The following C21orf58 variants were observed in gnomAD, a reference collection of about 807,000 sequenced individuals.
C21orf58 encodes chromosome 21 open reading frame 58.
Under a neutral mutation model 35.8 loss-of-function variants are expected in C21orf58, and 34 were observed. The observed-to-expected ratio is 0.95, with a 90% CI of 0.72 to 1.26. The LOEUF (loss-of-function observed/expected upper bound fraction) is 1.26. Among genes scored for constraint, C21orf58 ranks in the 50% most tolerant of loss-of-function variants. C21orf58 has a pLI of 0.00. For missense variants in C21orf58, 440 were observed against 414.3 expected (o/e 1.06, Z -0.54); for synonymous variants, 191 against 175.8 (o/e 1.09, Z -0.68).
Position 46,314,731 on chromosome 21 carries a change from C to T in C21orf58, c.594G>A (p.Arg198=). The T allele has an allele frequency of 2.0e-6, 3 of 1,479,304 alleles. No individual in the cohort carries two copies. The South Asian group carries it at 4.1e-5, about 20-fold the overall frequency. The allele number at this position is 1,479,304 out of a possible 1,614,324, so 91.6% of individuals were successfully genotyped here. A position where few individuals can be genotyped will look rare whatever the true frequency, so the allele number is the denominator to read the frequency against. Residue 198 remains arginine (R), a synonymous_variant, in exon 5 of 8, where the codon AGG becomes AGA. Transcript: ENST00000291691. ...GCCCTCTTACCGTAGGCAGGATGAT[C>T]CTTGGCGGGTCTGGGGCCAGCGGGG... ...SPSPLAPDPP[R]IILPTVPQPP...
Position 46,323,739 on chromosome 21 carries a change from C to T in C21orf58, c.-1001G>A. The T allele has an allele frequency of 4.6e-6, 1 of 217,970 alleles. No individual in the cohort carries two copies. The highest frequency in any genetic ancestry group is 5.5e-5 in the South Asian group (1 of 18,074). The allele number at this position is 217,970 out of a possible 1,614,324, so 13.5% of individuals were successfully genotyped here. A position where few individuals can be genotyped will look rare whatever the true frequency, so the allele number is the denominator to read the frequency against. ...CGACTAATGCCTGAGCGGGAGAAAA[C>T]GGCCTGGCCCTGTCCGGGTGGTTGC... On this transcript the variant is annotated 5_prime_UTR_variant, in exon 1 of 8. Coordinates refer to ENST00000291691, the MANE Select transcript of C21orf58 (RefSeq NM_058180.5).
At chr21:46,305,382 C>T (rs1166467525) in intron 6 of C21orf58, among the ~76,000 whole-genome samples, 3 of 141,406 alleles carry the variant, frequency 2.1e-5, no homozygotes, top group East Asian at 2.0e-4. Flanking sequence ...CAAGCTGGGA[C>T]GCCTTGGTGT....
At chr21:46,305,655 C>A (rs932264764) in intron 6 of C21orf58, among the ~76,000 whole-genome samples, 1 of 152,056 alleles carries the variant, frequency 6.6e-6, no homozygotes, top group African/African-American at 2.4e-5. Flanking sequence ...AAAAAAGAAT[C>A]TTGGCCGGGC....
At position 46,301,982 on chromosome 21, in the gene C21orf58, G is replaced by A. The variant is rs1417709158; in HGVS notation, c.*17C>T. ...GGGGGTGGAGGGTGCCCCGGCCAGG[G>A]TCTCTGTGACTCACACTCAGGGTGG... On this transcript the variant is annotated 3_prime_UTR_variant, in exon 8 of 8. Coordinates refer to ENST00000291691, the MANE Select transcript of C21orf58 (RefSeq NM_058180.5). 3 of 1,510,066 alleles carry A rather than the reference G, an allele frequency of 2.0e-6. No individual in the cohort carries two copies. The highest frequency in any genetic ancestry group is 2.5e-5 in the South Asian group (2 of 80,402). The allele number at this position is 1,510,066 out of a possible 1,614,324, so 93.5% of individuals were successfully genotyped here.
intron 6 of C21orf58, among the ~76,000 whole-genome samples, chr21:46,306,978 C>G (rs960457279): frequency 1.3e-5 from 2 of 152,066 alleles, no homozygotes; most frequent in Non-Finnish European, 1.5e-5. Flanking sequence ...TCACTGCAGC[C>G]TCCGCCTCCC....
rs1052464393 is a variant in C21orf58, at chr21:46,323,729, C to T, written c.-991G>A. 4 of 213,978 alleles carry T rather than the reference C, an allele frequency of 1.9e-5. No individual in the cohort carries two copies. Among genetic ancestry groups the T allele is most frequent in the Non-Finnish European group, 3.8e-5 (4 of 104,788 alleles). 13.3% of individuals were successfully genotyped at this position (213,978 alleles called of 1,614,324 possible). A position where few individuals can be genotyped will look rare whatever the true frequency, so the allele number is the denominator to read the frequency against. On this transcript the variant is annotated 5_prime_UTR_variant, in exon 1 of 8. Transcript: ENST00000291691. The stretch of plus-strand genomic sequence containing the variant: ...CCACAGCCAACGACTAATGCCTGAG[C>T]GGGAGAAAACGGCCTGGCCCTGTCC...
intron 5 of C21orf58, among the ~76,000 whole-genome samples, chr21:46,312,404 C>T (rs191890346): frequency 6.6e-6 from 1 of 152,224 alleles, no homozygotes; most frequent in Non-Finnish European, 1.5e-5. Context: ...CTGCAACCTC[C>T]GCCTCCCAGG....
Position 46,301,981 on chromosome 21 carries a change from G to A in C21orf58, c.*18C>T. ...TGGGGGTGGAGGGTGCCCCGGCCAG[G>A]GTCTCTGTGACTCACACTCAGGGTG... On this transcript the variant is annotated 3_prime_UTR_variant, in exon 8 of 8. Transcript: ENST00000291691. 1.3e-6 allele frequency: 2 copies of A among 1,508,056 alleles called. No individual in the cohort carries two copies. The highest frequency in any genetic ancestry group is 1.8e-6 in the Non-Finnish European group (2 of 1,128,744). 93.4% of individuals were successfully genotyped at this position (1,508,056 alleles called of 1,614,324 possible).
intron 1 of C21orf58, chr21:46,320,840 T>C (rs1005526991): frequency 6.6e-6 from 1 of 152,194 alleles, no homozygotes; most frequent in Non-Finnish European, 1.5e-5. Flanking sequence ...TGATGTGGAA[T>C]GTTTATAACA....
In C21orf58 at chr21:46,310,584, G is replaced by A. The variant is rs190359263; in HGVS notation, c.721+872C>T. Among the ~76,000 whole-genome samples the A allele has an allele frequency of 3.2e-3, 481 of 151,872 alleles. 3 individuals carry two copies. Among genetic ancestry groups the A allele is most frequent in the African/African-American group, 0.011 (452 of 41,414 alleles). On this transcript the variant is annotated intron_variant, in intron 6 of 7. Transcript: ENST00000291691. ...AGCACTTTGAGAGGCTGAGGTGGGC[G>A]GATCACCTGAGGTTGGGAGTTCAAG...
At chr21:46,315,431 A>T in intron 4 of C21orf58, 43 bp downstream of exon 4, 1 of 1,220,376 alleles carries the variant, frequency 8.2e-7, no homozygotes, top group East Asian at 2.3e-5. Context: ...TATCTCTGCT[A>T]CAGTGAGCTC....
chr21:46,322,636 C>T lies in C21orf58; in HGVS notation c.100+3G>A. On this transcript the variant is annotated splice_donor_region_variant and intron_variant, in intron 1 of 7. Coordinates refer to ENST00000291691, the MANE Select transcript of C21orf58 (RefSeq NM_058180.5). ...CCAGGAGACCGCTGGACACCCCGCT[C>T]ACCACACAGAAGACTGTGGCCTGAG... 3 of 1,537,146 alleles carry T rather than the reference C, an allele frequency of 2.0e-6. No homozygotes were observed. The highest frequency in any genetic ancestry group is 2.6e-6 in the Non-Finnish European group (3 of 1,139,526).
Position 46,311,288 on chromosome 21 carries a change from T to C in C21orf58, c.721+168A>G, listed in dbSNP as rs181331862. ...TAGTTATCTTTCTTATACCTCTTGT[T>C]TCCTTCCCTGTGAGATATCATTTAT... On this transcript the variant is annotated intron_variant, in intron 6 of 7. Transcript: ENST00000291691. Among the ~76,000 whole-genome samples the C allele has an allele frequency of 7.9e-5, 12 of 152,346 alleles. No individual in the cohort carries two copies. The East Asian group carries it at 1.7e-3, about 22-fold the overall frequency.
rs1379606197 is a variant in C21orf58 at position 46,311,613 on chromosome 21, A to G, written c.610-46T>C. 2.5e-6 allele frequency: 3 copies of G among 1,211,058 alleles called. No individual in the cohort carries two copies. The Admixed American group carries it at 6.1e-5, about 24-fold the overall frequency. The allele number at this position is 1,211,058 out of a possible 1,614,324, so 75.0% of individuals were successfully genotyped here. A position where few individuals can be genotyped will look rare whatever the true frequency, so the allele number is the denominator to read the frequency against. ...AGCTATCTGCATATGTCCTTGAAGA[A>G]AGTGTCTCCAGTATCTACCACCCAT... On this transcript the variant is annotated intron_variant, in intron 5 of 7. Transcript: ENST00000291691.
At chr21:46,311,375 G>A (rs2082676376) in intron 6 of C21orf58, 81 bp downstream of exon 6, 2 of 726,582 alleles carry the variant, frequency 2.8e-6, no homozygotes, top group Non-Finnish European at 4.3e-6. Flanking sequence ...GGCCCTAAGT[G>A]ACTGTCCTGC....
At chr21:46,308,504 C>G (rs2145982028) in intron 6 of C21orf58, among the ~76,000 whole-genome samples, 1 of 152,238 alleles carries the variant, frequency 6.6e-6, no homozygotes, top group East Asian at 1.9e-4. Context: ...CATTTCACTT[C>G]TAGGTATTTA....
Position 46,302,004 on chromosome 21 carries a change from G to T in C21orf58, c.964C>A (p.Pro322Thr). The T allele has an allele frequency of 7.2e-6, 11 of 1,531,658 alleles. No individual in the cohort carries two copies. Among genetic ancestry groups the T allele is most frequent in the Non-Finnish European group, 9.7e-6 (11 of 1,139,276 alleles). 94.9% of individuals were successfully genotyped at this position (1,531,658 alleles called of 1,614,324 possible). A position where few individuals can be genotyped will look rare whatever the true frequency, so the allele number is the denominator to read the frequency against. The change falls in exon 8 of 8, where the codon CCC becomes ACC. Residue 322 changes from proline (P) to threonine (T), a missense_variant. Physicochemically the swap from Pro to Thr is conservative, Grantham distance 38. Coordinates refer to ENST00000291691, the MANE Select transcript of C21orf58 (RefSeq NM_058180.5). ...PAPSLWTPGP[P>T] ...AGGGTCTCTGTGACTCACACTCAGGGTGGGCCAGGCGTCCACAGGCTGGGG... is the reference window on the plus strand; with the variant it reads ...AGGGTCTCTGTGACTCACACTCAGGTTGGGCCAGGCGTCCACAGGCTGGGG...
chr21:46,300,782 G>A, downstream of C21orf58: 1 of 1,289,238 alleles, frequency 7.8e-7, no homozygotes, highest in Non-Finnish European at 1.0e-6. Context: ...CTTCAGGAAT[G>A]AAAGAATCTG....
chr21:46,304,806 C>T (rs1004985154), intron 6 of C21orf58, among the ~76,000 whole-genome samples: 1 of 152,122 alleles, frequency 6.6e-6, no homozygotes, highest in East Asian at 1.9e-4. Context: ...TGAGCGGGGA[C>T]GGAAGCAACC....
Sources: gnomAD v4.1 joint callset for allele counts (sites outside exome capture counted in the v4.1 genomes callset) on GRCh38, gnomAD v4.1.1 for gene constraint, MANE v1.5 for transcripts, NCBI Gene and HGNC (gene_info 2026-07-23, HGNC 2026-07-21) for gene names.